Variants in RARB observed in about 807,000 individuals in gnomAD.
RARB encodes the protein retinoic acid receptor beta.
RARB carries 17 observed loss-of-function variants against 51.9 expected under a neutral mutation model. The observed-to-expected ratio is 0.33, with a 90% CI of 0.22 to 0.49. The LOEUF (loss-of-function observed/expected upper bound fraction) is 0.49, where lower values mean the gene tolerates loss of function less well. Among genes scored for constraint, RARB ranks in the 20% least tolerant of loss-of-function variants. The pLI is 0.99. For synonymous variants in RARB, 215 were observed against 195.4 expected (o/e 1.10, Z -0.84); for missense variants, 369 against 550.8 (o/e 0.67, Z 3.30).
intron 5 of RARB, among the ~76,000 whole-genome samples, chr3:25,388,741 A>G (rs527283233): frequency 6.6e-6 from 1 of 152,332 alleles, no homozygotes; most frequent in South Asian, 2.1e-4. Context: ...TGCTGACAAA[A>G]GTGAATCGAA....
intron 4 of RARB, among the ~76,000 whole-genome samples, chr3:25,158,931 C>A (rs1174243673): frequency 6.6e-6 from 1 of 151,864 alleles, no homozygotes; most frequent in Non-Finnish European, 1.5e-5. Flanking sequence ...ATTCTGTAGG[C>A]GATTTGGGGG....
chr3:24,846,965 A>G (rs369563915), intron 1 of RARB, among the ~76,000 whole-genome samples: 83 of 152,314 alleles, frequency 5.4e-4, no homozygotes, highest in African/African-American at 1.9e-3. Context: ...CAGATTCAGC[A>G]AATTCGTAAG....
intron 7 of RARB, 141 bp downstream of exon 7, chr3:25,594,819 A>C: frequency 1.4e-6 from 1 of 708,974 alleles, no homozygotes; most frequent in Non-Finnish European, 2.0e-6. Context: ...TCAAAAGGAA[A>C]TACTATCCCT....
chr3:25,257,484 A>G (rs1702894413), intron 5 of RARB, among the ~76,000 whole-genome samples: 1 of 152,120 alleles, frequency 6.6e-6, no homozygotes, highest in South Asian at 2.1e-4. Flanking sequence ...CTCTGTGTCT[A>G]GGAGAAGAAA....
Position 25,345,377 on chromosome 3 carries a change from A to T in RARB, c.179-115816A>T, listed in dbSNP as rs182419388. On this transcript the variant is annotated intron_variant, in intron 5 of 11. Coordinates refer to the RARB transcript ENST00000383772. The stretch of plus-strand genomic sequence containing the variant: ...GGCAAATAGAGTTAAACTATAAGCA[A>T]TTCATCTGGCTGGGCATGGTGGCTC... Among the ~76,000 whole-genome samples, 5 of 152,276 alleles carry T rather than the reference A, an allele frequency of 3.3e-5. No individual in the cohort carries two copies. The East Asian group carries it at 7.7e-4, about 24-fold the overall frequency.
chr3:25,274,777 G>A (rs141166836), intron 5 of RARB, among the ~76,000 whole-genome samples: 7 of 152,162 alleles, frequency 4.6e-5, no homozygotes, highest in African/African-American at 1.7e-4. Flanking sequence ...TTTCATTATA[G>A]CGGCAAAAAT....
chr3:25,525,429 T>G, intron 3 of RARB, among the ~76,000 whole-genome samples: 1 of 152,072 alleles, frequency 6.6e-6, no homozygotes, highest in East Asian at 1.9e-4. Flanking sequence ...ACAAGCTCCT[T>G]GAGGTCAGAA....
chr3:24,947,018 C>A (rs781235256), intron 2 of RARB, among the ~76,000 whole-genome samples: 1 of 152,078 alleles, frequency 6.6e-6, no homozygotes, highest in South Asian at 2.1e-4. Flanking sequence ...ATATAGGAAA[C>A]GTGACCTTTG....
At chr3:25,017,311 T>G (rs952853056) in intron 2 of RARB, among the ~76,000 whole-genome samples, 3 of 151,454 alleles carry the variant, frequency 2.0e-5, no homozygotes, top group Admixed American at 6.6e-5. Flanking sequence ...TCTTTGTGTT[T>G]CCACGTAGAC....
At chr3:25,271,901 T>G (rs1040549504) in intron 5 of RARB, among the ~76,000 whole-genome samples, 4 of 152,200 alleles carry the variant, frequency 2.6e-5, no homozygotes, top group Non-Finnish European at 1.5e-5. Flanking sequence ...TTAAAATACT[T>G]ATCTTTGTCC....
At chr3:24,944,410 T>G (rs1401382634) in intron 2 of RARB, among the ~76,000 whole-genome samples, 1 of 152,258 alleles carries the variant, frequency 6.6e-6, no homozygotes, top group Non-Finnish European at 1.5e-5. Context: ...ATGTATTCAA[T>G]ATTTGATTTG....
At chr3:25,259,827 A>C in intron 5 of RARB, 21 of 779,950 alleles carry the variant, frequency 2.7e-5, no homozygotes, top group Middle Eastern at 6.5e-4. Flanking sequence ...CAGTAAAGTC[A>C]GAGCTCTTGG....
chr3:24,998,739 T>A (rs1697096772), intron 2 of RARB, among the ~76,000 whole-genome samples: 1 of 152,158 alleles, frequency 6.6e-6, no homozygotes, highest in African/African-American at 2.4e-5. Context: ...CTCAGCTAGT[T>A]CTTACATGTC....
chr3:25,271,556 G>C (rs995883028), intron 5 of RARB, among the ~76,000 whole-genome samples: 13 of 152,140 alleles, frequency 8.5e-5, no homozygotes, highest in African/African-American at 2.9e-4. Flanking sequence ...TTTTGGAAGA[G>C]TTTCCATGGA....
chr3:24,848,128 C>T (rs551458203), intron 1 of RARB, among the ~76,000 whole-genome samples: 6 of 152,320 alleles, frequency 3.9e-5, no homozygotes, highest in South Asian at 2.1e-4. Context: ...GGCACAATCT[C>T]GGCTCATTGC....
rs190294274 is a variant in RARB, at chr3:25,150,947, A to G, written c.-280+18739A>G. 2.6e-5 allele frequency among the ~76,000 whole-genome samples: 4 copies of G among 152,336 alleles called. No homozygotes were observed. The East Asian group carries it at 7.7e-4, about 29-fold the overall frequency. ...CTTGTTTTTGCTCATAAGGCAGTTT[A>G]TGTGATATACGTTGGGGGTGAGGGG... is the stretch of plus-strand genomic sequence containing the variant. On this transcript the variant is annotated intron_variant, in intron 4 of 11. Coordinates refer to the RARB transcript ENST00000383772.
At chr3:25,485,619 G>A (rs1399589500) in intron 2 of RARB, among the ~76,000 whole-genome samples, 3 of 152,070 alleles carry the variant, frequency 2.0e-5, no homozygotes, top group Admixed American at 6.5e-5. Flanking sequence ...TTCATTACAC[G>A]GCCCATCTGG....
intron 5 of RARB, among the ~76,000 whole-genome samples, chr3:25,186,044 T>A (rs1403003769): frequency 1.3e-5 from 2 of 152,036 alleles, no homozygotes; most frequent in African/African-American, 2.4e-5. Flanking sequence ...ACCCTGGGAA[T>A]TCCAGCATTC....
intron 5 of RARB, among the ~76,000 whole-genome samples, chr3:25,323,529 T>G (rs1465672696): frequency 1.2e-4 from 18 of 152,220 alleles, no homozygotes. Context: ...TATAACATAT[T>G]CAAAATCTTC....
Sources: allele counts gnomAD v4.1 joint callset (sites outside exome capture counted in the v4.1 genomes callset), GRCh38; gene constraint gnomAD v4.1.1; transcripts MANE v1.5; gene names NCBI Gene and HGNC (gene_info 2026-07-23, HGNC 2026-07-21).